TNNI3K: variants seen among roughly 807,000 people sequenced by gnomAD.
TNNI3K encodes TNNI3 interacting kinase, also known as serine/threonine-protein kinase TNNI3K.
In TNNI3K, 140 loss-of-function variants were observed where a neutral mutation model predicts 114.5. The ratio of observed to expected loss-of-function variants is 1.22; its 90% CI spans 1.07 to 1.41. The LOEUF is 1.41. Ranked by LOEUF, TNNI3K falls within the 40% of genes most tolerant of loss-of-function variation. TNNI3K has a pLI of 0.00. For synonymous variants in TNNI3K, 347 were observed against 347.5 expected (o/e 1.00, Z 0.02); for missense variants, 1,125 against 1,007.6 (o/e 1.12, Z -1.58).
At chr1:74,278,254 C>G (rs1376496336) in intron 5 of TNNI3K, among the ~76,000 whole-genome samples, 2 of 152,090 alleles carry the variant, frequency 1.3e-5, no homozygotes, top group Non-Finnish European at 2.9e-5. Flanking sequence ...CATTTGGAAT[C>G]AGAACAAATA....
At chr1:74,285,903 TA>T (rs999560041) in intron 5 of TNNI3K, among the ~76,000 whole-genome samples, 1 of 152,088 alleles carries the variant, frequency 6.6e-6, no homozygotes, top group Non-Finnish European at 1.5e-5. Flanking sequence ...ATCACAGCCT[TA>T]AAAAAATGAT....
intron 5 of TNNI3K, among the ~76,000 whole-genome samples, chr1:74,298,840 A>G (rs1052726164): frequency 2.6e-5 from 4 of 152,132 alleles, no homozygotes; most frequent in African/African-American, 9.6e-5. Context: ...AAGGAATCAG[A>G]AAGTGTCCAT....
intron 5 of TNNI3K, among the ~76,000 whole-genome samples, chr1:74,297,645 CATGGGGGATACAG>C (rs1445833453): frequency 1.3e-5 from 2 of 151,818 alleles, no homozygotes; most frequent in Non-Finnish European, 2.9e-5. Flanking sequence ...GTGCAATGAG[CATGGGGGATACAG>C]ATATCTCTTC....
At chr1:74,387,542 G>T (rs1469988035) in intron 17 of TNNI3K, among the ~76,000 whole-genome samples, 1 of 152,096 alleles carries the variant, frequency 6.6e-6, no homozygotes. Context: ...GGCTTGGCTT[G>T]CCCAAAAAAG....
At chr1:74,519,808 T>A (rs1646404621) in intron 23 of TNNI3K, among the ~76,000 whole-genome samples, 1 of 152,162 alleles carries the variant, frequency 6.6e-6, no homozygotes, top group South Asian at 2.1e-4. Flanking sequence ...GTTTATAATG[T>A]GTGTCATTCA....
At chr1:74,323,892 G>A (rs1377699552) in intron 5 of TNNI3K, among the ~76,000 whole-genome samples, 3 of 152,046 alleles carry the variant, frequency 2.0e-5, no homozygotes, top group South Asian at 2.1e-4. Flanking sequence ...GAGATGAACC[G>A]AAAAAGCCAT....
chr1:74,315,684 CAG>C (rs759903658), intron 5 of TNNI3K, among the ~76,000 whole-genome samples: 6 of 151,802 alleles, frequency 4.0e-5, no homozygotes, highest in East Asian at 1.9e-4. Context: ...TCCCAAAAGA[CAG>C]GGGGAAAAAA....
At chr1:74,369,145 C>G (rs1050037914) in intron 14 of TNNI3K, 31 bp downstream of exon 14, 1 of 1,596,992 alleles carries the variant, frequency 6.3e-7, no homozygotes, top group East Asian at 2.2e-5. Flanking sequence ...AAATAAAGGT[C>G]CGGTTTAGTT....
intron 21 of TNNI3K, chr1:74,472,022 C>G (rs1667958321): frequency 1.4e-6 from 1 of 697,630 alleles, no homozygotes; most frequent in Admixed American, 2.1e-5. Context: ...TCCTCAGGCT[C>G]ACAAGGCTTG....
At chr1:74,323,737 A>G (rs1267676326) in intron 5 of TNNI3K, among the ~76,000 whole-genome samples, 1 of 152,168 alleles carries the variant, frequency 6.6e-6, no homozygotes, top group Admixed American at 6.5e-5. Context: ...CAAAATATCT[A>G]TAGCTATCAC....
chr1:74,370,392 G>C lies in TNNI3K; in HGVS notation c.1772G>C (p.Ser591Thr), dbSNP rs145260115. Residue 591 changes from serine to threonine, a missense_variant and splice_region_variant, in exon 17 of 25, where the codon AGT becomes ACT. Transcript: ENST00000326637. Reference protein sequence around the residue: ...TQPIIHRDLNSHNILLYEDGH... With the variant: ...TQPIIHRDLNTHNILLYEDGH... ...CCAATTATACATCGTGACTTGAACA[G>C]GTATTTTTTTCCTAAATAATGAACT... 2,494 of 1,602,342 alleles carry C rather than the reference G, an allele frequency of 1.6e-3. No individual in the cohort carries two copies. The highest frequency in any genetic ancestry group is 2.0e-3 in the Non-Finnish European group (2,314 of 1,173,330).
intron 23 of TNNI3K, among the ~76,000 whole-genome samples, chr1:74,514,031 AGCCAGTAAACGATAACT>A (rs1338221151): frequency 6.6e-6 from 1 of 152,220 alleles, no homozygotes; most frequent in Non-Finnish European, 1.5e-5. Context: ...AAAGGTTGTC[AGCCAGTAAACGATAACT>A]GCGTTTTTCA....
At chr1:74,274,825 A>G (rs1393867356) in intron 5 of TNNI3K, among the ~76,000 whole-genome samples, 1 of 152,074 alleles carries the variant, frequency 6.6e-6, no homozygotes, top group East Asian at 1.9e-4. Context: ...AAATGTGCTC[A>G]GAACTCTTAC....
At chr1:74,414,176 A>C (rs2100618617) in intron 17 of TNNI3K, among the ~76,000 whole-genome samples, 1 of 152,292 alleles carries the variant, frequency 6.6e-6, no homozygotes, top group East Asian at 1.9e-4. Flanking sequence ...TTACTTGAAA[A>C]TATTCTGTCC....
intron 23 of TNNI3K, among the ~76,000 whole-genome samples, chr1:74,532,442 C>T (rs551374097): frequency 6.8e-5 from 10 of 146,024 alleles, no homozygotes; most frequent in Middle Eastern, 3.4e-3. Context: ...TAGTTTGACA[C>T]GTGCTATTAT....
chr1:74,500,190 A>G (rs189248940), intron 23 of TNNI3K, among the ~76,000 whole-genome samples: 41 of 152,130 alleles, frequency 2.7e-4, no homozygotes, highest in African/African-American at 9.4e-4. Flanking sequence ...TTTTATCTTC[A>G]TCAAGATTTT....
chr1:74,271,355 C>T (rs577084850), intron 4 of TNNI3K, among the ~76,000 whole-genome samples: 4 of 151,848 alleles, frequency 2.6e-5, no homozygotes, highest in Middle Eastern at 3.2e-3. Context: ...AATGTCCTTT[C>T]TGTCTTTCTT....
At chr1:74,475,009 T>A (rs1668118652) in intron 21 of TNNI3K, among the ~76,000 whole-genome samples, 1 of 151,858 alleles carries the variant, frequency 6.6e-6, no homozygotes, top group Non-Finnish European at 1.5e-5. Flanking sequence ...GGCTACTTTT[T>A]TTCTTTTTTT....
intron 5 of TNNI3K, among the ~76,000 whole-genome samples, chr1:74,317,449 G>T (rs1275593118): frequency 6.6e-6 from 1 of 152,196 alleles, no homozygotes; most frequent in Non-Finnish European, 1.5e-5. Flanking sequence ...GAAATAAGAA[G>T]CTGGGGTACA....
Sources: gnomAD v4.1 joint callset for allele counts (sites outside exome capture counted in the v4.1 genomes callset) on GRCh38, gnomAD v4.1.1 for gene constraint, MANE v1.5 for transcripts, NCBI Gene and HGNC (gene_info 2026-07-23, HGNC 2026-07-21) for gene names.